Variants in GPR108 observed in about 807,000 individuals in gnomAD.
GPR108 encodes the protein protein GPR108.
A neutral mutation model predicts 74.3 loss-of-function variants in GPR108; 60 were observed. The observed-to-expected ratio is 0.81, with a 90% CI of 0.66 to 1.00. GPR108 has a LOEUF of 1.00. GPR108 is among the 50% of genes least tolerant of loss of function. The pLI is 0.00. For missense variants in GPR108, 667 were observed against 703.3 expected (o/e 0.95, Z 0.58); for synonymous variants, 311 against 292.4 (o/e 1.06, Z -0.65).
chr19:6,733,168 G>A lies in GPR108; in HGVS notation c.857C>T (p.Thr286Met), dbSNP rs746123266. Residue 286 changes from threonine to methionine, a missense_variant and splice_region_variant, in exon 9 of 18, where the codon ACG becomes ATG. By Grantham distance (81) the Thr-to-Met change is moderately conservative. Transcript: ENST00000264080. Reference sequence around the variant, plus strand: ...GGACCCTCAGGGGCAGGGGCATTACGTGTTCCTGCAGAGGATGGACACCCA... The same window carrying A: ...GGACCCTCAGGGGCAGGGGCATTACATGTTCCTGCAGAGGATGGACACCCA... ...IFWVSILCRN[T>M]YSVFKIHWLM... is the part of the protein sequence containing the mutation. 33 of 1,614,006 alleles carry A rather than the reference G, an allele frequency of 2.0e-5. No individual in the cohort carries two copies. Among genetic ancestry groups the A allele is most frequent in the South Asian group, 5.5e-5 (5 of 91,084 alleles).
intron 1 of GPR108, 73 bp downstream of exon 1, chr19:6,737,384 C>CACTCCAAGCCAGGGGGCT: frequency 2.0e-6 from 3 of 1,502,944 alleles, no homozygotes; most frequent in Non-Finnish European, 2.6e-6. Context: ...CGGACGAGAC[C>CACTCCAAGCCAGGGGGCT]ACTCCAAGCC....
In GPR108 at chr19:6,737,536, G is replaced by A. The variant is rs768636665; in HGVS notation, c.41C>T (p.Pro14Leu). The stretch of plus-strand genomic sequence containing the variant: ...AAGTAGCCGCTGCCCCCACTCCGCG[G>A]GGCTCCCGCGGCCGAGCCCCCTCCT... ...SERRGLGRGS[P>L]AEWGQRLLLV... The change falls in exon 1 of 18, where the codon CCC becomes CTC. Residue 14 changes from proline to leucine, a missense_variant. By Grantham distance (98) the Pro-to-Leu change is moderately conservative (BLOSUM62 -3). Transcript: ENST00000264080. The A allele has an allele frequency of 6.7e-5, 104 of 1,553,980 alleles. 3 individuals are homozygous for A. In the South Asian group the frequency reaches 8.7e-4, roughly 13 times the overall value.
chr19:6,731,816 A>T lies in GPR108; in HGVS notation c.1300+75T>A, dbSNP rs1038796138. On this transcript the variant is annotated intron_variant, in intron 14 of 17. Coordinates refer to ENST00000264080, the MANE Select transcript of GPR108 (RefSeq NM_001080452.2). ...GCTGGGCAGAGAGGCCAGGAGGGGC[A>T]TCCAAGGGGCAGAAAGAAGGGCCCG... The T allele has an allele frequency of 1.2e-5, 19 of 1,553,176 alleles. 1 individual carries two copies. The Admixed American group carries it at 2.9e-4, about 24-fold the overall frequency.
At chr19:6,733,521 T>G in intron 8 of GPR108, 49 bp downstream of exon 8, 1 of 1,556,818 alleles carries the variant, frequency 6.4e-7, no homozygotes, top group Non-Finnish European at 8.9e-7. Flanking sequence ...GGGCCCGCAG[T>G]GGCCTGCAGG....
chr19:6,737,472 G>A lies in GPR108; in HGVS notation c.105C>T (p.His35=). Reference sequence around the variant, plus strand: ...CGGGCCTCACCGTCAGCGCCAGCTGGTGGATGCGCCCGGAGCAGCCACCCA... The same window carrying A: ...CGGGCCTCACCGTCAGCGCCAGCTGATGGATGCGCCCGGAGCAGCCACCCA... ...LLLGGCSGRI[H]QLALTGEKRA... The change falls in exon 1 of 18, where the codon CAC becomes CAT. Residue 35 remains histidine, a synonymous_variant. Coordinates refer to ENST00000264080, the MANE Select transcript of GPR108 (RefSeq NM_001080452.2). 6.3e-7 allele frequency: 1 copy of A among 1,586,356 alleles called. No individual in the cohort carries two copies. Among genetic ancestry groups the A allele is most frequent in the East Asian group, 2.3e-5 (1 of 42,714 alleles).
chr19:6,734,347 G>A (rs372544580), intron 4 of GPR108, 40 bp from the exon 5 acceptor site: 4 of 1,599,140 alleles, frequency 2.5e-6, no homozygotes, highest in African/African-American at 1.3e-5. Context: ...CTGGGGGGCT[G>A]AACTTGGCTC....
intron 1 of GPR108, 178 bp downstream of exon 1, chr19:6,737,279 A>G (rs1367507445): frequency 2.2e-5 from 18 of 802,370 alleles, no homozygotes; most frequent in Non-Finnish European, 3.1e-5. Flanking sequence ...CGGCAACTCC[A>G]TCCGGAGGAC....
At chr19:6,736,981 G>A in intron 1 of GPR108, 2 of 475,276 alleles carry the variant, frequency 4.2e-6, no homozygotes, top group Non-Finnish European at 7.7e-6. Context: ...CCGGAGAACA[G>A]TTATTCACCT....
At chr19:6,733,468 C>T in intron 8 of GPR108, 102 bp downstream of exon 8, 2 of 1,374,162 alleles carry the variant, frequency 1.5e-6, no homozygotes, top group Middle Eastern at 1.8e-4. Context: ...TCCTACTTCG[C>T]ACCCGGGAGG....
intron 13 of GPR108, 26 bp downstream of exon 13, chr19:6,731,999 C>T (rs1441378726): frequency 1.2e-6 from 2 of 1,613,500 alleles, no homozygotes; most frequent in Non-Finnish European, 1.7e-6. Flanking sequence ...CAGGGCAGAG[C>T]CTCAGCCCGG....
Position 6,731,538 on chromosome 19 carries a change from G to A in GPR108, c.1301-16C>T. 1.3e-6 allele frequency: 2 copies of A among 1,488,582 alleles called. No homozygotes were observed. Among genetic ancestry groups the A allele is most frequent in the Non-Finnish European group, 1.8e-6 (2 of 1,118,556 alleles). 92.2% of individuals were successfully genotyped at this position (1,488,582 alleles called of 1,614,324 possible). ...TTCACTGCCACTGAGGGTGGGCACA[G>A]AGAGGGCGGTCAGGGGAGACTGAGG... On this transcript the variant is annotated splice_polypyrimidine_tract_variant and intron_variant, in intron 14 of 17. Coordinates refer to ENST00000264080, the MANE Select transcript of GPR108 (RefSeq NM_001080452.2).
In GPR108 at chr19:6,731,357, C is replaced by A. The variant is rs539283981; in HGVS notation, c.1351-75G>T. On this transcript the variant is annotated intron_variant, in intron 15 of 17. Coordinates refer to ENST00000264080, the MANE Select transcript of GPR108 (RefSeq NM_001080452.2). ...GGCATGGGGCTAGACTGCAGGACTG[C>A]GGGCTGGGGAGCCTGGATGGGGGCC... 5 of 1,489,462 alleles carry A rather than the reference C, an allele frequency of 3.4e-6. No homozygotes were observed. The Admixed American group carries it at 1.1e-4, about 33-fold the overall frequency. 92.3% of individuals were successfully genotyped at this position (1,489,462 alleles called of 1,614,324 possible). A position where few individuals can be genotyped will look rare whatever the true frequency, so the allele number is the denominator to read the frequency against.
rs1466468974 is a variant in GPR108, at chr19:6,734,192, C to T, written c.490G>A (p.Val164Met). Residue 164 changes from valine (V) to methionine (M), a missense_variant, in exon 5 of 18, where the codon GTG (valine) becomes ATG (methionine). Physicochemically the swap from Val to Met is conservative, Grantham distance 21. Coordinates refer to ENST00000264080, the MANE Select transcript of GPR108 (RefSeq NM_001080452.2). ...AGCCAGCCTGACTCACCGCCATCCA[C>T]CTTGCGGGGGACTGTGGCCTGTGGC... ...PKPQATVPRK[V>M]DGGGTSAASK... The T allele has an allele frequency of 6.2e-7, 1 of 1,614,234 alleles. No individual in the cohort carries two copies. The highest frequency in any genetic ancestry group is 8.5e-7 in the Non-Finnish European group (1 of 1,180,048).
Position 6,730,043 on chromosome 19 carries a change from A to C in GPR108, c.*269T>G. On this transcript the variant is annotated 3_prime_UTR_variant, in exon 18 of 18. Transcript: ENST00000264080. ...TGTAGACCCCAACCCCCAAAAAGGC[A>C]AGACAACGGCGTAGCCAAACAGATT... 2.0e-6 allele frequency: 1 copy of C among 492,980 alleles called. No individual in the cohort carries two copies. The highest frequency in any genetic ancestry group is 3.7e-6 in the Non-Finnish European group (1 of 271,472). 30.5% of individuals were successfully genotyped at this position (492,980 alleles called of 1,614,324 possible). A position where few individuals can be genotyped will look rare whatever the true frequency, so the allele number is the denominator to read the frequency against.
rs745835303 is a variant in GPR108 at position 6,732,272 on chromosome 19, G to T, written c.1116C>A (p.Ile372=). 4 of 1,612,280 alleles carry T rather than the reference G, an allele frequency of 2.5e-6. No individual in the cohort carries two copies. Among genetic ancestry groups the T allele is most frequent in the Non-Finnish European group, 3.4e-6 (4 of 1,180,020 alleles). The change falls in exon 12 of 18, where the codon ATC becomes ATA. Residue 372 remains isoleucine (I), a synonymous_variant. Coordinates refer to ENST00000264080, the MANE Select transcript of GPR108 (RefSeq NM_001080452.2). ...GCTGCTCCATCCGCACCTGCATGGG[G>T]ATCACGATCCCAAAGACCTTCTTCT... ...DKEKKVFGIV[I]PMQVLANVAY...
At chr19:6,737,337 C>A (rs896765652) in intron 1 of GPR108, 120 bp downstream of exon 1, 32 of 1,264,484 alleles carry the variant, frequency 2.5e-5, no homozygotes, top group Non-Finnish European at 3.3e-5. Context: ...AAACGGGGGG[C>A]GCCGGACCAC....
rs756064836 is a variant in GPR108 at position 6,734,301 on chromosome 19, C to G, written c.381G>C (p.Gln127His). ...FLINTKDLQV[Q>H]VRKYGEQKTL... ...TCTTCTGCTCTCCATACTTCCGCAC[C>G]TGGACCCTGGGGTGAGGGTGGGGTG... The change falls in exon 5 of 18, where the codon CAG becomes CAC. Residue 127 changes from glutamine to histidine, a missense_variant. Coordinates refer to ENST00000264080, the MANE Select transcript of GPR108 (RefSeq NM_001080452.2). 9 of 1,613,286 alleles carry G rather than the reference C, an allele frequency of 5.6e-6. No homozygotes were observed. Among genetic ancestry groups the G allele is most frequent in the Non-Finnish European group, 5.9e-6 (7 of 1,179,902 alleles).
intron 9 of GPR108, 23 bp from the exon 10 acceptor site, chr19:6,733,085 A>C (rs778172098): frequency 6.2e-7 from 1 of 1,613,284 alleles, no homozygotes; most frequent in East Asian, 2.2e-5. Context: ...TCAGGGAGAG[A>C]TGGGGGTGCG....
Position 6,735,698 on chromosome 19 carries a change from C to G in GPR108, c.298G>C (p.Asp100His), listed in dbSNP as rs1968605280. Residue 100 changes from aspartate (D) to histidine (H), a missense_variant, in exon 4 of 18, where the codon GAT (aspartate) becomes CAT (histidine). Asp to His is a moderately conservative substitution (Grantham distance 81, BLOSUM62 -1). Transcript: ENST00000264080. ...SGRVRSYSTR[D>H]FQDCPLQKNS... ...TTCTGGAGAGGGCAGTCCTGGAAAT[C>G]CCGGGTCTGGGGGGTGGGCAGGAGG... 1 of 1,613,914 alleles carries G rather than the reference C, an allele frequency of 6.2e-7. No individual in the cohort carries two copies. The highest frequency in any genetic ancestry group is 1.3e-5 in the African/African-American group (1 of 74,882).
Sources: gnomAD v4.1 joint callset for allele counts on GRCh38, gnomAD v4.1.1 for gene constraint, MANE v1.5 for transcripts, NCBI Gene and HGNC (gene_info 2026-07-23, HGNC 2026-07-21) for gene names.